The following PATJ variants were observed in gnomAD, a reference collection of about 807,000 sequenced individuals.
PATJ encodes inaD-like protein.
A neutral mutation model predicts 224.9 loss-of-function variants in PATJ; 190 were observed. That is an observed-to-expected ratio of 0.84 (90% CI 0.75 to 0.95). The LOEUF (loss-of-function observed/expected upper bound fraction) is 0.95. Ranked by LOEUF, PATJ falls within the 40% of genes least tolerant of loss-of-function variation. PATJ has a pLI of 0.00. For synonymous variants in PATJ, 769 were observed against 820.3 expected, an observed-to-expected ratio of 0.94 and a Z score of 1.07; for missense variants, 2,121 against 2,270.3, an observed-to-expected ratio of 0.93 and a Z score of 1.34.
chr1:62,004,797 C>A (rs1368785463), intron 28 of PATJ, among the ~76,000 whole-genome samples: 1 of 152,162 alleles, frequency 6.6e-6, no homozygotes, highest in African/African-American at 2.4e-5. Context: ...CTGAAAATCA[C>A]CTTAAATCCC....
intron 14 of PATJ, chr1:61,816,558 G>T (rs962422194): frequency 1.3e-5 from 2 of 152,086 alleles, no homozygotes; most frequent in African/African-American, 2.4e-5. Flanking sequence ...TTCAAAAAAG[G>T]AAACAAATCA....
At chr1:61,897,364 T>A (rs1475217714) in intron 22 of PATJ, among the ~76,000 whole-genome samples, 1 of 152,200 alleles carries the variant, frequency 6.6e-6, no homozygotes, top group Non-Finnish European at 1.5e-5. Flanking sequence ...AGAAACCCCA[T>A]TTAGTGTGGC....
intron 33 of PATJ, among the ~76,000 whole-genome samples, chr1:62,101,250 T>G (rs1662120776): frequency 1.3e-5 from 2 of 150,914 alleles, no homozygotes; most frequent in Admixed American, 1.3e-4. Flanking sequence ...CAGTAGTTTC[T>G]TTTCTTTTCT....
chr1:61,975,210 G>C (rs958458087), intron 27 of PATJ, among the ~76,000 whole-genome samples: 10 of 151,934 alleles, frequency 6.6e-5, no homozygotes, highest in Non-Finnish European at 1.5e-4. Flanking sequence ...GCCTTCCAAA[G>C]TGCTGGAATT....
rs34267345 is a variant in PATJ at position 61,965,121 on chromosome 1, C to CAAAAAAAAAAAAAAAAAAAAAAAA, written c.3671-25030_3671-25007dup. ...TGGGCCACTGAAGGAGACTCTGTCT[C>CAAAAAAAAAAAAAAAAAAAAAAAA]AAAAAAAAAAAAAAAAAAAAAAAAA... On this transcript the variant is annotated intron_variant, in intron 27 of 43. Transcript: ENST00000642238. Among the ~76,000 whole-genome samples, 9 of 54,386 alleles carry CAAAAAAAAAAAAAAAAAAAAAAAA rather than the reference C, an allele frequency of 1.7e-4. 2 individuals are homozygous for CAAAAAAAAAAAAAAAAAAAAAAAA. Among genetic ancestry groups the CAAAAAAAAAAAAAAAAAAAAAAAA allele is most frequent in the East Asian group, 4.2e-3 (2 of 478 alleles). 35.7% of individuals were successfully genotyped at this position (54,386 alleles called of 152,430 possible). A position where few individuals can be genotyped will look rare whatever the true frequency, so the allele number is the denominator to read the frequency against.
intron 32 of PATJ, among the ~76,000 whole-genome samples, chr1:62,082,299 G>A (rs1376986594): frequency 6.6e-6 from 1 of 152,186 alleles, no homozygotes; most frequent in African/African-American, 2.4e-5. Flanking sequence ...CCCACAATGT[G>A]CCAGACTCTG....
intron 14 of PATJ, among the ~76,000 whole-genome samples, chr1:61,808,886 C>A (rs1460857197): frequency 6.6e-6 from 1 of 152,128 alleles, no homozygotes; most frequent in East Asian, 1.9e-4. Context: ...AGGTTTGACT[C>A]CTTTGCCCAC....
intron 17 of PATJ, among the ~76,000 whole-genome samples, chr1:61,844,923 C>T (rs1173283172): frequency 6.6e-6 from 1 of 152,092 alleles, no homozygotes; most frequent in Non-Finnish European, 1.5e-5. Context: ...CCTGAGGTGC[C>T]CCCCAGCCAT....
chr1:62,148,415 C>A, intron 42 of PATJ, 25 bp downstream of exon 42: 1 of 1,505,688 alleles, frequency 6.6e-7, no homozygotes, highest in African/African-American at 1.4e-5. Context: ...TGCAGAGGGC[C>A]TATTATGCAT....
At chr1:61,779,641 A>C (rs1647136266) in intron 7 of PATJ, among the ~76,000 whole-genome samples, 2 of 152,130 alleles carry the variant, frequency 1.3e-5, no homozygotes, top group African/African-American at 4.8e-5. Flanking sequence ...CGTATTCATT[A>C]CCCCCAGCAG....
chr1:62,035,559 C>G (rs10127709), intron 29 of PATJ, among the ~76,000 whole-genome samples: 37,850 of 151,456 alleles, frequency 0.25, 6,025 homozygotes, highest in African/African-American at 0.45. Flanking sequence ...TTTTCTGTAT[C>G]CTTATTGAAG....
intron 26 of PATJ, among the ~76,000 whole-genome samples, chr1:61,926,270 A>C (rs1049422253): frequency 6.6e-6 from 1 of 152,146 alleles, no homozygotes; most frequent in Non-Finnish European, 1.5e-5. Context: ...CTTCTCTCAC[A>C]TGCAGTATCT....
intron 20 of PATJ, among the ~76,000 whole-genome samples, chr1:61,868,754 A>G (rs1311958608): frequency 6.6e-6 from 1 of 151,986 alleles, no homozygotes; most frequent in Non-Finnish European, 1.5e-5. Context: ...GCGCCACTGC[A>G]CTCCAGCCTG....
intron 28 of PATJ, 36 bp from the exon 29 acceptor site, chr1:62,017,820 T>G: frequency 1.0e-6 from 1 of 1,004,494 alleles, no homozygotes; most frequent in African/African-American, 1.6e-5. Context: ...CTTGTAGACA[T>G]GTATAATTTA....
intron 27 of PATJ, among the ~76,000 whole-genome samples, chr1:61,953,183 T>A (rs1679967827): frequency 6.6e-6 from 1 of 152,200 alleles, no homozygotes; most frequent in South Asian, 2.1e-4. Flanking sequence ...ATTAATTTCT[T>A]AAAATCAGAG....
At chr1:61,827,385 G>T in intron 15 of PATJ, 37 bp from the exon 16 acceptor site, 1 of 1,513,980 alleles carries the variant, frequency 6.6e-7, no homozygotes, top group South Asian at 1.4e-5. Context: ...TTCATTTGGG[G>T]CTGGCTCAGT....
chr1:61,978,563 C>G (rs972944322), intron 27 of PATJ, among the ~76,000 whole-genome samples: 2 of 152,024 alleles, frequency 1.3e-5, no homozygotes, highest in African/African-American at 4.8e-5. Flanking sequence ...CTGCGCCCAG[C>G]CTGTGCTGTT....
At chr1:61,910,417 G>T (rs1369307261) in intron 25 of PATJ, among the ~76,000 whole-genome samples, 1 of 151,472 alleles carries the variant, frequency 6.6e-6, no homozygotes, top group Non-Finnish European at 1.5e-5. Context: ...TGTACATTCA[G>T]TTCATCAGGC....
At chr1:62,074,523 T>C (rs910166025) in intron 31 of PATJ, among the ~76,000 whole-genome samples, 5 of 152,028 alleles carry the variant, frequency 3.3e-5, no homozygotes, top group Admixed American at 3.3e-4. Context: ...AACCTCAAAC[T>C]CCTGGGCTCA....
Sources: gnomAD v4.1 joint callset for allele counts (sites outside exome capture counted in the v4.1 genomes callset) on GRCh38, gnomAD v4.1.1 for gene constraint, MANE v1.5 for transcripts, NCBI Gene and HGNC (gene_info 2026-07-23, HGNC 2026-07-21) for gene names.